Variants in CNOT6L observed in about 807,000 individuals in gnomAD.
CNOT6L encodes the protein CCR4-NOT transcription complex subunit 6 like, also known as CCR4-NOT transcription complex subunit 6-like.
In CNOT6L, 7 loss-of-function variants were observed where a neutral mutation model predicts 64.0. The observed-to-expected ratio is 0.11, with a 90% CI of 0.06 to 0.21. The LOEUF is 0.21. Among genes scored for constraint, CNOT6L ranks in the 10% least tolerant of loss-of-function variants. The probability of loss-of-function intolerance (pLI) is 1.00; values close to 1 mark genes in which losing one functional copy is unlikely to be tolerated. For missense variants in CNOT6L, 245 were observed against 669.0 expected, an observed-to-expected ratio of 0.37 and a Z score of 6.99; for synonymous variants, 193 against 243.4, an observed-to-expected ratio of 0.79 and a Z score of 1.93.
At chr4:77,780,102 A>G (rs1728693584) in intron 1 of CNOT6L, among the ~76,000 whole-genome samples, 1 of 152,194 alleles carries the variant, frequency 6.6e-6, no homozygotes, top group South Asian at 2.1e-4. Flanking sequence ...CTATTTCAAA[A>G]TAACTTAAAA....
intron 8 of CNOT6L, among the ~76,000 whole-genome samples, chr4:77,733,226 G>A (rs536984997): frequency 6.6e-6 from 1 of 152,200 alleles, no homozygotes; most frequent in East Asian, 1.9e-4. Context: ...AGAGGACAGA[G>A]ATGATATAGT....
At chr4:77,805,966 T>A (rs1218985084) in intron 1 of CNOT6L, among the ~76,000 whole-genome samples, 1 of 152,204 alleles carries the variant, frequency 6.6e-6, no homozygotes, top group African/African-American at 2.4e-5. Flanking sequence ...AAATACACAA[T>A]TTCCTTCCTT....
intron 4 of CNOT6L, among the ~76,000 whole-genome samples, chr4:77,769,338 T>G (rs1727278687): frequency 6.6e-6 from 1 of 152,040 alleles, no homozygotes; most frequent in Non-Finnish European, 1.5e-5. Context: ...AATGACAAGG[T>G]GTGTTTGTGC....
intron 10 of CNOT6L, among the ~76,000 whole-genome samples, chr4:77,726,951 G>C (rs957534148): frequency 2.0e-5 from 3 of 152,086 alleles, no homozygotes; most frequent in Non-Finnish European, 4.4e-5. Flanking sequence ...ATACCACTTG[G>C]CTAAAAATAC....
chr4:77,726,499 G>T, intron 10 of CNOT6L, 130 bp from the exon 11 acceptor site: 1 of 588,400 alleles, frequency 1.7e-6, no homozygotes, highest in Non-Finnish European at 2.9e-6. Context: ...ATATAAAACT[G>T]CCTTTTGTTG....
chr4:77,729,765 A>T (rs948482744), intron 9 of CNOT6L, among the ~76,000 whole-genome samples: 20 of 151,914 alleles, frequency 1.3e-4, no homozygotes, highest in African/African-American at 4.6e-4. Context: ...TTTTATTCCT[A>T]TAATTCTATG....
In CNOT6L at chr4:77,719,345, G is replaced by GT. The variant is rs1295765892; in HGVS notation, c.*1085dup. Reference sequence around the variant, plus strand: ...GCTAGAGTCAGGAAAATGACCCAACGTTTTCAACTACTGCCCCAAATTTGT... The same window carrying GT: ...GCTAGAGTCAGGAAAATGACCCAACGTTTTTCAACTACTGCCCCAAATTTGT... On this transcript the variant is annotated 3_prime_UTR_variant, in exon 12 of 12. Coordinates refer to ENST00000504123, the MANE Select transcript of CNOT6L (RefSeq NM_144571.3). 1 of 152,542 alleles carries GT rather than the reference G, an allele frequency of 6.6e-6. No homozygotes were observed. Among genetic ancestry groups the GT allele is most frequent in the African/African-American group, 2.4e-5 (1 of 41,414 alleles). The allele number at this position is 152,542 out of a possible 1,614,324, so 9.4% of individuals were successfully genotyped here.
intron 1 of CNOT6L, among the ~76,000 whole-genome samples, chr4:77,777,590 C>G: frequency 6.6e-6 from 1 of 152,164 alleles, no homozygotes; most frequent in South Asian, 2.1e-4. Flanking sequence ...GCAAATGACA[C>G]AATGTCCTGA....
chr4:77,737,993 C>A (rs1173246866), intron 8 of CNOT6L, among the ~76,000 whole-genome samples: 2 of 152,044 alleles, frequency 1.3e-5, no homozygotes, highest in African/African-American at 4.8e-5. Context: ...GGGAGTATCA[C>A]AACAGTAATG....
At chr4:77,736,252 A>C (rs562181965) in intron 8 of CNOT6L, among the ~76,000 whole-genome samples, 22 of 152,300 alleles carry the variant, frequency 1.4e-4, no homozygotes, top group African/African-American at 5.3e-4. Context: ...AGAGAGTTGA[A>C]AACTAGTTGA....
chr4:77,725,249 C>T (rs1721715529), intron 11 of CNOT6L, among the ~76,000 whole-genome samples: 1 of 152,110 alleles, frequency 6.6e-6, no homozygotes, highest in Non-Finnish European at 1.5e-5. Context: ...AGCTAACCCA[C>T]ACAAAAATAG....
chr4:77,725,391 T>C (rs1032529993), intron 11 of CNOT6L, among the ~76,000 whole-genome samples: 2 of 152,190 alleles, frequency 1.3e-5, no homozygotes, highest in Admixed American at 6.5e-5. Flanking sequence ...AAGATTCTAC[T>C]ATAGATGCCT....
chr4:77,799,470 C>T (rs866310658), intron 1 of CNOT6L, among the ~76,000 whole-genome samples: 1 of 151,740 alleles, frequency 6.6e-6, no homozygotes, highest in Non-Finnish European at 1.5e-5. Context: ...TTTCGGAGAC[C>T]GAGGCAGGTG....
Position 77,716,608 on chromosome 4 carries a change from A to C in CNOT6L, c.*3823T>G, listed in dbSNP as rs935736759. On this transcript the variant is annotated 3_prime_UTR_variant, in exon 12 of 12. Transcript: ENST00000504123. Reference sequence around the variant, plus strand: ...GGAACACTATATTTGCCCATGTTCCAGTTTTAATGTGCCACATCCTCAATT... The same window carrying C: ...GGAACACTATATTTGCCCATGTTCCCGTTTTAATGTGCCACATCCTCAATT... The C allele has an allele frequency of 6.6e-6, 1 of 152,488 alleles. No homozygotes were observed. Among genetic ancestry groups the C allele is most frequent in the Admixed American group, 6.6e-5 (1 of 15,246 alleles). The allele number at this position is 152,488 out of a possible 1,614,324, so 9.4% of individuals were successfully genotyped here.
intron 4 of CNOT6L, among the ~76,000 whole-genome samples, chr4:77,769,066 T>C (rs1266245859): frequency 6.6e-6 from 1 of 152,080 alleles, no homozygotes; most frequent in Non-Finnish European, 1.5e-5. Context: ...TATTCACATA[T>C]CAGAATACAA....
chr4:77,768,195 T>C (rs1252160508), intron 4 of CNOT6L, among the ~76,000 whole-genome samples: 2 of 151,896 alleles, frequency 1.3e-5, no homozygotes, highest in Non-Finnish European at 2.9e-5. Flanking sequence ...CAGGGCGTGG[T>C]GGCTCACACC....
At chr4:77,820,118 C>T (rs1013489118), upstream of CNOT6L, among the ~76,000 whole-genome samples, 4 of 152,116 alleles carry the variant, frequency 2.6e-5, no homozygotes, top group Non-Finnish European at 5.9e-5. Context: ...GAGACGCCAG[C>T]TTTCGGTGCC....
intron 1 of CNOT6L, among the ~76,000 whole-genome samples, chr4:77,782,311 T>A (rs748228561): frequency 6.6e-6 from 1 of 152,106 alleles, no homozygotes; most frequent in African/African-American, 2.4e-5. Context: ...TTTTGAAGTT[T>A]CTATTTCCTT....
Position 77,720,377 on chromosome 4 carries a change from A to G in CNOT6L, c.*54T>C. ...ACTTCACTCCTACATACTTTGATTT[A>G]CAACTGTACAGGTCCATAGCAACAG... On this transcript the variant is annotated 3_prime_UTR_variant, in exon 12 of 12. Coordinates refer to ENST00000504123, the MANE Select transcript of CNOT6L (RefSeq NM_144571.3). 6.4e-7 allele frequency: 1 copy of G among 1,568,382 alleles called. No homozygotes were observed. Among genetic ancestry groups the G allele is most frequent in the Non-Finnish European group, 8.7e-7 (1 of 1,144,906 alleles).
Sources: allele counts gnomAD v4.1 joint callset (sites outside exome capture counted in the v4.1 genomes callset), GRCh38; gene constraint gnomAD v4.1.1; transcripts MANE v1.5; gene names NCBI Gene and HGNC (gene_info 2026-07-23, HGNC 2026-07-21).